RPS6KC1: variants seen among roughly 807,000 people sequenced by gnomAD.
RPS6KC1 encodes inactive ribosomal protein S6 kinase delta-1.
A neutral mutation model predicts 103.8 loss-of-function variants in RPS6KC1; 54 were observed. The observed-to-expected ratio is 0.52, with a 90% CI of 0.42 to 0.65. The LOEUF is 0.65. Ranked by LOEUF, RPS6KC1 falls within the 30% of genes least tolerant of loss-of-function variation. RPS6KC1 has a pLI of 0.00. For missense variants in RPS6KC1, 1,151 were observed against 1,253.8 expected (o/e 0.92, Z 1.24); for synonymous variants, 439 against 438.7 (o/e 1.00, Z -0.01).
chr1:213,152,220 G>A (rs1423204084), intron 6 of RPS6KC1, among the ~76,000 whole-genome samples: 6 of 144,334 alleles, frequency 4.2e-5, no homozygotes, highest in Admixed American at 2.0e-4. Context: ...GCGGCTGGCC[G>A]GGCGGGGGGC....
the RPS6KC1 span, among the ~76,000 whole-genome samples, chr1:213,358,225 G>A: frequency 6.6e-6 from 1 of 152,176 alleles, no homozygotes; most frequent in East Asian, 1.9e-4. Context: ...GCTCCTCCTT[G>A]TACTGCTGGT....
chr1:213,734,059 T>A, the RPS6KC1 span, among the ~76,000 whole-genome samples: 1 of 152,222 alleles, frequency 6.6e-6, no homozygotes, highest in Non-Finnish European at 1.5e-5. Context: ...GTTATTTATA[T>A]ATAGCCCAGG....
the RPS6KC1 span, among the ~76,000 whole-genome samples, chr1:213,663,589 T>G: frequency 6.6e-6 from 1 of 152,228 alleles, no homozygotes; most frequent in Non-Finnish European, 1.5e-5. Context: ...GAAGCATCCC[T>G]TGTTCAAAAA....
the RPS6KC1 span, among the ~76,000 whole-genome samples, chr1:213,549,824 A>C: frequency 1.1e-4 from 17 of 151,844 alleles, no homozygotes; most frequent in African/African-American, 4.1e-4. Flanking sequence ...AGCACCACCC[A>C]AGCCTGGTGG....
chr1:213,207,833 T>C (rs1201420362), intron 8 of RPS6KC1, among the ~76,000 whole-genome samples: 1 of 151,996 alleles, frequency 6.6e-6, no homozygotes, highest in Non-Finnish European at 1.5e-5. Context: ...ACCTCCATGC[T>C]GGCTAATTTT....
intron 1 of RPS6KC1, among the ~76,000 whole-genome samples, chr1:213,062,305 A>G (rs114235933): frequency 0.032 from 4,898 of 152,326 alleles, 104 homozygotes; most frequent in Non-Finnish European, 0.047. Flanking sequence ...AAAGGTATAT[A>G]TGAAACAAAT....
At chr1:213,137,775 CTCTA>C (rs1377156414) in intron 6 of RPS6KC1, among the ~76,000 whole-genome samples, 8 of 32,250 alleles carry the variant, frequency 2.5e-4, no homozygotes, top group Admixed American at 6.6e-4. Context: ...CTCTCTCTCT[CTCTA>C]TATATATATA....
At chr1:213,157,789 T>C (rs138855689) in intron 6 of RPS6KC1, among the ~76,000 whole-genome samples, 1 of 152,332 alleles carries the variant, frequency 6.6e-6, no homozygotes, top group East Asian at 1.9e-4. Context: ...CTGATGAATA[T>C]TGTTGAATTG....
chr1:213,392,970 C>T, the RPS6KC1 span, among the ~76,000 whole-genome samples: 1,146 of 152,266 alleles, frequency 7.5e-3, 15 homozygotes, highest in African/African-American at 0.026. Context: ...TGAAATTCAA[C>T]GACATCTGCT....
the RPS6KC1 span, among the ~76,000 whole-genome samples, chr1:213,631,401 A>G: frequency 0.14 from 21,024 of 148,378 alleles, 2,325 homozygotes; most frequent in African/African-American, 0.31. Context: ...AAATAGATTT[A>G]CTCTATTCCT....
At chr1:213,754,047 G>A in the RPS6KC1 span, among the ~76,000 whole-genome samples, 9 of 152,098 alleles carry the variant, frequency 5.9e-5, no homozygotes, top group East Asian at 1.2e-3. Flanking sequence ...TGAATCCTTC[G>A]GCACACCCTT....
chr1:213,325,437 C>T, the RPS6KC1 span, among the ~76,000 whole-genome samples: 25 of 152,338 alleles, frequency 1.6e-4, no homozygotes, highest in Admixed American at 2.0e-4. Flanking sequence ...TGCCTTCCAC[C>T]CTCCTACTAA....
At chr1:213,823,928 C>G in the RPS6KC1 span, among the ~76,000 whole-genome samples, 1 of 152,220 alleles carries the variant, frequency 6.6e-6, no homozygotes, top group Non-Finnish European at 1.5e-5. Flanking sequence ...AACTGAGGCA[C>G]AAAAGGGACT....
the RPS6KC1 span, among the ~76,000 whole-genome samples, chr1:213,388,650 C>T: frequency 6.6e-6 from 1 of 152,164 alleles, no homozygotes; most frequent in African/African-American, 2.4e-5. Context: ...TTGGCCATCT[C>T]CTCATCACCC....
At position 213,176,408 on chromosome 1, in the gene RPS6KC1, A is replaced by T. The variant is rs2091873714; in HGVS notation, c.960A>T (p.Gly320=). 6.3e-7 allele frequency: 1 copy of T among 1,599,292 alleles called. No homozygotes were observed. The highest frequency in any genetic ancestry group is 8.6e-7 in the Non-Finnish European group (1 of 1,169,096). ...PQLDDVSQPP[G]SLSSRPLWNL... ...TTGATATCTTCCATTAGCCTCCAGG[A>T]TCACTAAGTTCAAGGCCCCTTTGGA... The change falls in exon 8 of 15, where the codon GGA becomes GGT. Residue 320 remains glycine (G), a synonymous_variant. Transcript: ENST00000366960.
At chr1:213,622,172 T>A in the RPS6KC1 span, among the ~76,000 whole-genome samples, 1 of 151,934 alleles carries the variant, frequency 6.6e-6, no homozygotes, top group East Asian at 1.9e-4. Flanking sequence ...CACCAATGTT[T>A]AAGCCTTGGG....
At chr1:213,246,988 TAA>T (rs1459649223) in intron 12 of RPS6KC1, among the ~76,000 whole-genome samples, 1 of 152,222 alleles carries the variant, frequency 6.6e-6, no homozygotes, top group Non-Finnish European at 1.5e-5. Flanking sequence ...TATAGTCACT[TAA>T]GTTTCCCATT....
At chr1:213,649,828 G>T in the RPS6KC1 span, among the ~76,000 whole-genome samples, 1 of 152,198 alleles carries the variant, frequency 6.6e-6, no homozygotes, top group Non-Finnish European at 1.5e-5. Context: ...GCTTGTACAA[G>T]CATAGAGAAC....
At chr1:213,600,692 C>T in the RPS6KC1 span, among the ~76,000 whole-genome samples, 1 of 152,228 alleles carries the variant, frequency 6.6e-6, no homozygotes, top group Non-Finnish European at 1.5e-5. Flanking sequence ...ACCAGCTCCA[C>T]TTCTCCCCAC....
Sources: allele counts gnomAD v4.1 joint callset (sites outside exome capture counted in the v4.1 genomes callset), GRCh38; gene constraint gnomAD v4.1.1; transcripts MANE v1.5; gene names NCBI Gene and HGNC (gene_info 2026-07-23, HGNC 2026-07-21).